ATP8A1: variants seen among roughly 807,000 people sequenced by gnomAD.
ATP8A1 encodes ATPase phospholipid transporting 8A1, also known as phospholipid-transporting ATPase IA.
In ATP8A1, 90 loss-of-function variants were observed where a neutral mutation model predicts 177.7. The ratio of observed to expected loss-of-function variants is 0.51; its 90% CI spans 0.43 to 0.60. The LOEUF is 0.60. ATP8A1 is among the 20% of genes least tolerant of loss of function. ATP8A1 has a pLI of 0.00. For missense variants in ATP8A1, 1,072 were observed against 1,392.8 expected, an observed-to-expected ratio of 0.77 and a Z score of 3.67; for synonymous variants, 493 against 485.9, an observed-to-expected ratio of 1.01 and a Z score of -0.19.
At chr4:42,445,785 A>G (rs141206604) in intron 31 of ATP8A1, among the ~76,000 whole-genome samples, 157 of 152,262 alleles carry the variant, frequency 1.0e-3, no homozygotes, top group Non-Finnish European at 1.7e-3. Flanking sequence ...AACATTCTAA[A>G]AGAAGAGATA....
chr4:42,646,408 C>G (rs932046249), intron 1 of ATP8A1, among the ~76,000 whole-genome samples: 1 of 152,148 alleles, frequency 6.6e-6, no homozygotes, highest in Non-Finnish European at 1.5e-5. Flanking sequence ...GGGACTAAAT[C>G]TATGTGGGAT....
At chr4:42,571,707 C>T (rs1194763956) in intron 14 of ATP8A1, among the ~76,000 whole-genome samples, 1 of 152,110 alleles carries the variant, frequency 6.6e-6, no homozygotes, top group Non-Finnish European at 1.5e-5. Context: ...TCACAATTCA[C>T]TTACATTTTA....
Position 42,627,003 on chromosome 4 carries a change from G to T in ATP8A1, c.156C>A (p.Asn52Lys), listed in dbSNP as rs1235331309. 3.1e-6 allele frequency: 5 copies of T among 1,613,478 alleles called. No individual in the cohort carries two copies. Residue 52 changes from asparagine (N) to lysine (K), a missense_variant, in exon 2 of 37, where the codon AAC becomes AAA. Physicochemically the swap from Asn to Lys is moderately conservative, Grantham distance 94 (BLOSUM62 0). Around this residue, in one of 5 missense-constraint regions of ATP8A1, gnomAD observed 344 missense variants for 393.5 expected, o/e 0.87. Transcript: ENST00000381668. ...NQPQLTKFCN[N>K]HVSTAKYNII... ...TCTTTGGTAGTTCTTACCTGACATG[G>T]TTATTGCAGAATTTTGTCAGCTGGG...
intron 27 of ATP8A1, among the ~76,000 whole-genome samples, chr4:42,456,467 T>C (rs1291719991): frequency 6.6e-6 from 1 of 152,156 alleles, no homozygotes. Context: ...GACTAGAGCA[T>C]AATGTTCTTA....
At chr4:42,486,829 G>T (rs190852788) in intron 24 of ATP8A1, among the ~76,000 whole-genome samples, 30 of 152,312 alleles carry the variant, frequency 2.0e-4, no homozygotes, top group South Asian at 4.1e-4. Flanking sequence ...ATAAGGGCTT[G>T]TAGCCTAGGA....
At chr4:42,432,769 A>G (rs1251080872) in intron 33 of ATP8A1, among the ~76,000 whole-genome samples, 3 of 152,164 alleles carry the variant, frequency 2.0e-5, no homozygotes, top group Non-Finnish European at 4.4e-5. Context: ...CTGGCTCAAC[A>G]CTTCCCTCTG....
intron 6 of ATP8A1, among the ~76,000 whole-genome samples, chr4:42,597,371 G>A (rs1048846888): frequency 1.3e-5 from 2 of 152,116 alleles, no homozygotes; most frequent in South Asian, 2.1e-4. Flanking sequence ...GTGCCTGTTC[G>A]CTTGTTCAAT....
intron 1 of ATP8A1, among the ~76,000 whole-genome samples, chr4:42,631,992 T>C (rs1379675041): frequency 6.6e-6 from 1 of 152,176 alleles, no homozygotes; most frequent in East Asian, 1.9e-4. Context: ...AGAGACTAAC[T>C]CAGGCATTCA....
intron 8 of ATP8A1, among the ~76,000 whole-genome samples, chr4:42,586,678 G>A (rs1733645761): frequency 6.6e-6 from 1 of 152,094 alleles, no homozygotes; most frequent in South Asian, 2.1e-4. Flanking sequence ...CAAGAATAGG[G>A]CACCTTTATG....
chr4:42,586,276 C>A, intron 9 of ATP8A1, 73 bp downstream of exon 9: 1 of 1,532,484 alleles, frequency 6.5e-7, no homozygotes. Context: ...AATATGTATC[C>A]AGACTTAGAA....
chr4:42,604,520 T>C (rs1284167712), intron 5 of ATP8A1, among the ~76,000 whole-genome samples: 5 of 152,188 alleles, frequency 3.3e-5, no homozygotes, highest in Admixed American at 2.0e-4. Flanking sequence ...GCAACAGTTA[T>C]AGATTTACTG....
chr4:42,556,924 C>T (rs1385029147), intron 15 of ATP8A1, among the ~76,000 whole-genome samples: 1 of 152,108 alleles, frequency 6.6e-6, no homozygotes, highest in East Asian at 1.9e-4. Context: ...CTTTTGATCA[C>T]AACATTAACA....
intron 18 of ATP8A1, 137 bp downstream of exon 18, chr4:42,551,061 G>C (rs1729453964): frequency 1.5e-6 from 1 of 665,208 alleles, no homozygotes; most frequent in Admixed American, 2.5e-5. Flanking sequence ...TAAAGAAATA[G>C]CTAAAAGAAC....
intron 6 of ATP8A1, among the ~76,000 whole-genome samples, chr4:42,593,911 A>G (rs568984354): frequency 7.9e-5 from 12 of 152,208 alleles, no homozygotes; most frequent in African/African-American, 2.9e-4. Flanking sequence ...AATAATCAAG[A>G]AACTCTGTAG....
chr4:42,490,590 C>T (rs1722648991), intron 24 of ATP8A1, among the ~76,000 whole-genome samples: 1 of 152,200 alleles, frequency 6.6e-6, no homozygotes, highest in Admixed American at 6.5e-5. Context: ...CAAAACTTCC[C>T]TTTACCTAAT....
At chr4:42,555,826 A>ATAAG in intron 16 of ATP8A1, 142 bp downstream of exon 16, 1 of 561,168 alleles carries the variant, frequency 1.8e-6, no homozygotes, top group East Asian at 3.6e-5. Context: ...TCTGTCTCAA[A>ATAAG]TAACTAACTA....
At chr4:42,418,224 C>T (rs752196921) in intron 35 of ATP8A1, among the ~76,000 whole-genome samples, 11 of 152,072 alleles carry the variant, frequency 7.2e-5, no homozygotes, top group African/African-American at 1.4e-4. Flanking sequence ...AATGGCCAAA[C>T]GGTAGTGCCA....
chr4:42,617,010 C>G (rs1736986972), intron 4 of ATP8A1, among the ~76,000 whole-genome samples: 1 of 152,078 alleles, frequency 6.6e-6, no homozygotes, highest in Admixed American at 6.5e-5. Flanking sequence ...TCATACAAAG[C>G]CTGAAGTTGA....
At position 42,414,670 on chromosome 4, in the gene ATP8A1, G is replaced by A. The variant is rs200623522; in HGVS notation, c.3354C>T (p.His1118=). The A allele has an allele frequency of 4.5e-5, 72 of 1,613,890 alleles. No homozygotes were observed. The East Asian group carries it at 7.8e-4, about 17-fold the overall frequency. Residue 1118 remains histidine, a synonymous_variant, in exon 36 of 37, where the codon CAC becomes CAT. Coordinates refer to ENST00000381668, the MANE Select transcript of ATP8A1 (RefSeq NM_006095.2). The stretch of plus-strand genomic sequence containing the variant: ...AGGATTCAGAGCGGTACAAGTTCAC[G>A]TGGTTCTTCTTAAAGACGTTCTTGA... ...QLLKNVFKKN[H]VNLYRSESLQ...
Sources: allele counts gnomAD v4.1 joint callset (sites outside exome capture counted in the v4.1 genomes callset), GRCh38; gene constraint gnomAD v4.1.1; regional missense constraint gnomAD v4.1.1; transcripts MANE v1.5; gene names NCBI Gene and HGNC (gene_info 2026-07-23, HGNC 2026-07-21).